The following TUSC3 variants were observed in gnomAD, a reference collection of about 807,000 sequenced individuals.
TUSC3 encodes tumor suppressor candidate 3, also known as dolichyl-diphosphooligosaccharide--protein glycosyltransferase subunit TUSC3.
Under a neutral mutation model 44.8 loss-of-function variants are expected in TUSC3, and 45 were observed. That is an observed-to-expected ratio of 1.00 (90% CI 0.79 to 1.29). The LOEUF (loss-of-function observed/expected upper bound fraction) is 1.29, where lower values mean the gene tolerates loss of function less well. TUSC3 is among the 50% of genes most tolerant of loss of function. The pLI, the probability that TUSC3 is intolerant of heterozygous loss-of-function variation, is 0.00. For missense variants in TUSC3, 519 were observed against 437.9 expected (o/e 1.19, Z -1.65); for synonymous variants, 212 against 152.9 (o/e 1.39, Z -2.85).
chr8:15,811,374 C>A, the TUSC3 span, among the ~76,000 whole-genome samples: 1 of 152,168 alleles, frequency 6.6e-6, no homozygotes, highest in Non-Finnish European at 1.5e-5. Context: ...CGAAGTCCAC[C>A]AAAATTCCTT....
intron 1 of TUSC3, among the ~76,000 whole-genome samples, chr8:15,600,217 CTG>C (rs1445237637): frequency 6.6e-6 from 1 of 151,682 alleles, no homozygotes; most frequent in Non-Finnish European, 1.5e-5. Context: ...TATTAGAAAA[CTG>C]TAGTCTGTGG....
At chr8:15,718,040 T>C (rs1341741212) in intron 6 of TUSC3, among the ~76,000 whole-genome samples, 1 of 152,038 alleles carries the variant, frequency 6.6e-6, no homozygotes, top group Non-Finnish European at 1.5e-5. Context: ...GTACTAGATA[T>C]TGATTGATTG....
rs569294629 is a variant in TUSC3, at chr8:15,443,776, C to A, written n.91+26471C>A. On this transcript the variant is annotated intron_variant and non_coding_transcript_variant, in intron 1 of 5. Transcript: ENST00000503191. ...TGGGCGCTACAAGATTCTCACCCTC[C>A]CTAAGCTGCTCCAGGATTAGTGCTT... 1.4e-4 allele frequency among the ~76,000 whole-genome samples: 21 copies of A among 152,298 alleles called. 1 individual carries two copies. The highest frequency in any genetic ancestry group is 4.8e-4 in the African/African-American group (20 of 41,568).
intron 1 of TUSC3, among the ~76,000 whole-genome samples, chr8:15,613,036 A>C: frequency 6.7e-6 from 1 of 148,306 alleles, no homozygotes; most frequent in East Asian, 2.0e-4. Context: ...CAGCCATCGC[A>C]TATCAATATA....
chr8:15,746,409 T>C (rs546383953), intron 8 of TUSC3, among the ~76,000 whole-genome samples: 6 of 152,262 alleles, frequency 3.9e-5, no homozygotes, highest in South Asian at 4.1e-4. Flanking sequence ...ATGTGATTTT[T>C]ATTTTTGATG....
the TUSC3 span, among the ~76,000 whole-genome samples, chr8:15,800,870 A>G: frequency 1.3e-5 from 2 of 152,172 alleles, no homozygotes; most frequent in African/African-American, 4.8e-5. Context: ...CTAAGGTTCT[A>G]TAACATGCTT....
At chr8:15,507,418 G>A (rs1002279093) in intron 2 of TUSC3, among the ~76,000 whole-genome samples, 1 of 152,138 alleles carries the variant, frequency 6.6e-6, no homozygotes, top group Non-Finnish European at 1.5e-5. Flanking sequence ...GAACTGCACA[G>A]TTGAAAGTGG....
At chr8:15,523,104 G>A (rs1026987953) in intron 2 of TUSC3, among the ~76,000 whole-genome samples, 1 of 152,134 alleles carries the variant, frequency 6.6e-6, no homozygotes, top group Non-Finnish European at 1.5e-5. Flanking sequence ...AGTCAATAAA[G>A]CATCTGCCAG....
intron 1 of TUSC3, among the ~76,000 whole-genome samples, chr8:15,600,997 A>T (rs1259076770): frequency 3.3e-5 from 5 of 151,726 alleles, no homozygotes; most frequent in African/African-American, 1.2e-4. Flanking sequence ...CTCAGAAGAA[A>T]TACACAGGTT....
chr8:15,536,680 TC>T (rs1801526238), upstream of TUSC3, among the ~76,000 whole-genome samples: 2 of 22,768 alleles, frequency 8.8e-5, no homozygotes, highest in African/African-American at 3.0e-4. Context: ...AGATTCCGTC[TC>T]AAAAAAAAAA....
At chr8:15,608,754 C>T (rs544192476) in intron 1 of TUSC3, among the ~76,000 whole-genome samples, 1 of 152,160 alleles carries the variant, frequency 6.6e-6, no homozygotes, top group Non-Finnish European at 1.5e-5. Context: ...TCCCCTTCCA[C>T]CATGATTGTA....
At chr8:15,533,322 C>A (rs1166197845) in intron 2 of TUSC3, among the ~76,000 whole-genome samples, 2 of 152,130 alleles carry the variant, frequency 1.3e-5, no homozygotes, top group Non-Finnish European at 2.9e-5. Flanking sequence ...GTCACTTATG[C>A]TGTTGTCTAG....
intron 1 of TUSC3, among the ~76,000 whole-genome samples, chr8:15,436,357 A>G (rs970720231): frequency 6.6e-6 from 1 of 152,210 alleles, no homozygotes; most frequent in African/African-American, 2.4e-5. Flanking sequence ...TGGAATGTCT[A>G]TTGGCCAGTT....
the TUSC3 span, among the ~76,000 whole-genome samples, chr8:15,818,384 T>G: frequency 6.6e-6 from 1 of 152,228 alleles, no homozygotes; most frequent in African/African-American, 2.4e-5. Flanking sequence ...TAAATTATTA[T>G]TGTACTTTCA....
At chr8:15,716,368 TA>T (rs201365670) in intron 6 of TUSC3, among the ~76,000 whole-genome samples, 18 of 148,892 alleles carry the variant, frequency 1.2e-4, no homozygotes, top group South Asian at 2.1e-4. Flanking sequence ...TTAACCAGCT[TA>T]AAAAAAAAAG....
chr8:15,515,633 GTATAT>G (rs1166735039), intron 2 of TUSC3, among the ~76,000 whole-genome samples: 1 of 151,856 alleles, frequency 6.6e-6, no homozygotes, highest in Non-Finnish European at 1.5e-5. Context: ...TATTTATACA[GTATAT>G]TATATGATAC....
At chr8:15,532,508 A>T (rs1050861348) in intron 2 of TUSC3, among the ~76,000 whole-genome samples, 19 of 152,174 alleles carry the variant, frequency 1.2e-4, no homozygotes, top group Non-Finnish European at 1.5e-5. Flanking sequence ...ACGGTCTGGG[A>T]TCCTCAATAT....
At chr8:15,499,271 C>G (rs1800924015) in intron 2 of TUSC3, among the ~76,000 whole-genome samples, 1 of 152,200 alleles carries the variant, frequency 6.6e-6, no homozygotes, top group Non-Finnish European at 1.5e-5. Flanking sequence ...CTATGTTTTC[C>G]TTATCAACAT....
At chr8:15,523,704 GTGTGTA>G (rs1801333837) in intron 2 of TUSC3, among the ~76,000 whole-genome samples, 22 of 112,586 alleles carry the variant, frequency 2.0e-4, no homozygotes, top group South Asian at 1.3e-3. Context: ...GTGTGTGTGT[GTGTGTA>G]TATATATATA....
Sources: gnomAD v4.1 joint callset for allele counts (sites outside exome capture counted in the v4.1 genomes callset) on GRCh38, gnomAD v4.1.1 for gene constraint, MANE v1.5 for transcripts, NCBI Gene and HGNC (gene_info 2026-07-23, HGNC 2026-07-21) for gene names.